The following ACMSD variants were observed in gnomAD, a reference collection of about 807,000 sequenced individuals.
ACMSD encodes the protein 2-amino-3-carboxymuconate-6-semialdehyde decarboxylase.
Under a neutral mutation model 45.9 loss-of-function variants are expected in ACMSD, and 37 were observed. The ratio of observed to expected loss-of-function variants is 0.81; its 90% CI spans 0.62 to 1.06. The LOEUF (loss-of-function observed/expected upper bound fraction) is 1.06, where lower values mean the gene tolerates loss of function less well. Among genes scored for constraint, ACMSD ranks in the 50% least tolerant of loss-of-function variants. ACMSD has a pLI of 0.00. For missense variants in ACMSD, 434 were observed against 420.9 expected, an observed-to-expected ratio of 1.03 and a Z score of -0.27; for synonymous variants, 138 against 148.8, an observed-to-expected ratio of 0.93 and a Z score of 0.53.
intron 8 of ACMSD, among the ~76,000 whole-genome samples, chr2:134,892,225 A>AT (rs58468490): frequency 1.3e-4 from 19 of 150,690 alleles, no homozygotes; most frequent in African/African-American, 3.4e-4. Flanking sequence ...CCTTACATGT[A>AT]TTTTTTTTTT....
chr2:134,899,322 T>C (rs1257668210), intron 9 of ACMSD, among the ~76,000 whole-genome samples: 1 of 152,160 alleles, frequency 6.6e-6, no homozygotes, highest in Admixed American at 6.5e-5. Context: ...AGTATACTAG[T>C]TACAAGTTAT....
intron 2 of ACMSD, among the ~76,000 whole-genome samples, chr2:134,854,359 G>A (rs1687483351): frequency 6.6e-6 from 1 of 152,180 alleles, no homozygotes; most frequent in African/African-American, 2.4e-5. Flanking sequence ...TCCTGTGAGG[G>A]CCAGAGATCA....
chr2:134,895,575 A>G (rs529935959), intron 8 of ACMSD, among the ~76,000 whole-genome samples: 33 of 151,808 alleles, frequency 2.2e-4, no homozygotes, highest in Non-Finnish European at 7.4e-5. Flanking sequence ...TGAAAACGCA[A>G]GGGGGCCAGG....
intron 8 of ACMSD, among the ~76,000 whole-genome samples, chr2:134,894,228 G>A (rs1425100704): frequency 6.6e-6 from 1 of 151,792 alleles, no homozygotes; most frequent in Non-Finnish European, 1.5e-5. Context: ...TAGCTAGACT[G>A]ACCAACAAAA....
intron 1 of ACMSD, 82 bp downstream of exon 1, chr2:134,838,821 T>A: frequency 8.9e-7 from 1 of 1,126,706 alleles, no homozygotes; most frequent in Admixed American, 1.9e-5. Context: ...TGGAATTAGA[T>A]GTCTAGTTTA....
At chr2:134,883,745 C>A (rs183846572) in intron 8 of ACMSD, among the ~76,000 whole-genome samples, 3 of 152,154 alleles carry the variant, frequency 2.0e-5, no homozygotes, top group Non-Finnish European at 2.9e-5. Flanking sequence ...TGATCCCCCC[C>A]ACCTCAGCCT....
intron 7 of ACMSD, 117 bp from the exon 8 acceptor site, chr2:134,872,352 G>A: frequency 1.8e-6 from 2 of 1,107,918 alleles, no homozygotes; most frequent in South Asian, 3.0e-5. Context: ...AACACAATAG[G>A]TCCTCTGTAA....
At chr2:134,897,891 T>G (rs148103790) in intron 8 of ACMSD, among the ~76,000 whole-genome samples, 3,485 of 150,700 alleles carry the variant, frequency 0.023, 141 homozygotes, top group African/African-American at 0.078. Context: ...TTTTGTTTTT[T>G]TTTTTTTACT....
In ACMSD at chr2:134,845,265, A is replaced by C. The variant is rs556099628; in HGVS notation, c.90A>C (p.Gln30His). Residue 30 changes from glutamine to histidine, a missense_variant, in exon 2 of 10, where the codon CAA (glutamine) becomes CAC (histidine). By Grantham distance (24) the Gln-to-His change is conservative. Coordinates refer to ENST00000356140, the MANE Select transcript of ACMSD (RefSeq NM_138326.3). ...GCTACGGAGGCTGGGTGCAGCTCCAACACCACAGCAAGGTGAGTTTCTTCC... is the reference window on the plus strand; with the variant it reads ...GCTACGGAGGCTGGGTGCAGCTCCACCACCACAGCAAGGTGAGTTTCTTCC... ...RFGYGGWVQLQHHSKGEAKLL... is the reference protein window; with the variant it reads ...RFGYGGWVQLHHHSKGEAKLL... 2 of 1,614,096 alleles carry C rather than the reference A, an allele frequency of 1.2e-6. No individual in the cohort carries two copies. The highest frequency in any genetic ancestry group is 2.2e-5 in the South Asian group (2 of 91,088).
At position 134,842,591 on chromosome 2, in the gene ACMSD, C is replaced by T. The variant is rs546252393; in HGVS notation, c.58-2642C>T. ...TACTTCAGCCACACCACTACCACCA[C>T]CTCACTCCCTCCACCATGGCAATTA... is the stretch of plus-strand genomic sequence containing the variant. On this transcript the variant is annotated intron_variant, in intron 1 of 9. Coordinates refer to ENST00000356140, the MANE Select transcript of ACMSD (RefSeq NM_138326.3). 5.3e-5 allele frequency among the ~76,000 whole-genome samples: 8 copies of T among 152,280 alleles called. No individual in the cohort carries two copies. The South Asian group carries it at 1.2e-3, about 24-fold the overall frequency.
At chr2:134,884,604 C>A (rs1689220523) in intron 8 of ACMSD, among the ~76,000 whole-genome samples, 1 of 152,066 alleles carries the variant, frequency 6.6e-6, no homozygotes, top group Non-Finnish European at 1.5e-5. Context: ...GAATACCAAG[C>A]AGACAATTCA....
chr2:134,893,478 G>C (rs1454308885), intron 8 of ACMSD, among the ~76,000 whole-genome samples: 2 of 152,082 alleles, frequency 1.3e-5, no homozygotes, highest in African/African-American at 2.4e-5. Flanking sequence ...TTGAACCACT[G>C]TGCTGGCTAC....
chr2:134,842,666 T>G (rs1382833305), intron 1 of ACMSD, among the ~76,000 whole-genome samples: 1 of 152,178 alleles, frequency 6.6e-6, no homozygotes, highest in African/African-American at 2.4e-5. Context: ...TTAGCATGAA[T>G]GAAGCCTTGT....
At chr2:134,895,351 C>T (rs368164902) in intron 8 of ACMSD, among the ~76,000 whole-genome samples, 16 of 52,230 alleles carry the variant, frequency 3.1e-4, no homozygotes, top group South Asian at 1.2e-3. Flanking sequence ...ATATATATAA[C>T]ATATATAATA....
chr2:134,864,550 G>A (rs565452327), intron 5 of ACMSD, among the ~76,000 whole-genome samples: 7 of 152,088 alleles, frequency 4.6e-5, no homozygotes, highest in East Asian at 3.9e-4. Flanking sequence ...TTTAATGCAC[G>A]ATTTTTAAAT....
At chr2:134,889,219 T>C (rs545698774) in intron 8 of ACMSD, among the ~76,000 whole-genome samples, 1 of 152,216 alleles carries the variant, frequency 6.6e-6, no homozygotes, top group East Asian at 1.9e-4. Flanking sequence ...GGATTGGAAA[T>C]GGATATATTG....
intron 9 of ACMSD, among the ~76,000 whole-genome samples, chr2:134,899,150 C>T (rs1245761349): frequency 6.6e-6 from 1 of 152,102 alleles, no homozygotes; most frequent in East Asian, 1.9e-4. Context: ...TCTTACAAAA[C>T]TTTTAGTTGT....
intron 8 of ACMSD, among the ~76,000 whole-genome samples, chr2:134,896,151 C>A (rs960327174): frequency 6.6e-6 from 1 of 152,126 alleles, no homozygotes; most frequent in Non-Finnish European, 1.5e-5. Flanking sequence ...TGCAAATTAA[C>A]TCAAAATGGA....
At chr2:134,879,170 C>G (rs1224392391) in intron 8 of ACMSD, among the ~76,000 whole-genome samples, 3 of 152,164 alleles carry the variant, frequency 2.0e-5, no homozygotes, top group Non-Finnish European at 4.4e-5. Flanking sequence ...CCAACAATCC[C>G]CATAGTACCA....
Sources: gnomAD v4.1 joint callset for allele counts (sites outside exome capture counted in the v4.1 genomes callset) on GRCh38, gnomAD v4.1.1 for gene constraint, MANE v1.5 for transcripts, NCBI Gene and HGNC (gene_info 2026-07-23, HGNC 2026-07-21) for gene names.